The following MYPOP variants were observed in gnomAD, a reference collection of about 807,000 sequenced individuals.
MYPOP encodes Myb related transcription factor, partner of profilin.
Under a neutral mutation model 25.7 loss-of-function variants are expected in MYPOP, and 21 were observed. That is an observed-to-expected ratio of 0.82 (90% CI 0.58 to 1.18). MYPOP has a LOEUF of 1.18. Ranked by LOEUF, MYPOP falls within the 50% of genes most tolerant of loss-of-function variation. The pLI is 0.00. For synonymous variants in MYPOP, 280 were observed against 247.9 expected (o/e 1.13, Z -1.22); for missense variants, 566 against 588.3 (o/e 0.96, Z 0.39).
intron 2 of MYPOP, among the ~76,000 whole-genome samples, chr19:45,897,543 G>T (rs972038071): frequency 6.6e-6 from 1 of 152,138 alleles, no homozygotes; most frequent in Admixed American, 6.6e-5. Context: ...TCACAGCAGT[G>T]CCCCTGCAAG....
Position 45,901,695 on chromosome 19 carries a change from T to G in MYPOP, c.79A>C (p.Ile27Leu). The change falls in exon 2 of 3, where the codon ATC becomes CTC. Residue 27 changes from isoleucine to leucine, a missense_variant. By Grantham distance (5) the Ile-to-Leu change is conservative (BLOSUM62 2). Coordinates refer to ENST00000322217, the MANE Select transcript of MYPOP (RefSeq NM_001012643.4). The surrounding 1 kb of genome is among the most constrained non-coding windows in gnomAD (Gnocchi z 5.7). Reference protein sequence around the residue: ...KPRFSFEENQILIREVRAHYP... With the variant: ...KPRFSFEENQLLIREVRAHYP... Reference sequence around the variant, plus strand: ...TGGGCGCGCACCTCGCGGATCAGGATCTGGTTCTCTTCGAATGAGAAGCGC... The same window carrying G: ...TGGGCGCGCACCTCGCGGATCAGGAGCTGGTTCTCTTCGAATGAGAAGCGC... 6.2e-7 allele frequency: 1 copy of G among 1,602,982 alleles called. No homozygotes were observed. The highest frequency in any genetic ancestry group is 2.3e-5 in the East Asian group (1 of 43,846).
chr19:45,896,242 G>C (rs1042453905), intron 2 of MYPOP, among the ~76,000 whole-genome samples: 2 of 152,166 alleles, frequency 1.3e-5, no homozygotes. Context: ...AGTGACCCAA[G>C]ATCACACCAC....
Position 45,901,621 on chromosome 19 carries a change from C to G in MYPOP, c.153G>C (p.Glu51Asp). The change falls in exon 2 of 3, where the codon GAG (glutamate) becomes GAC (aspartate). Residue 51 changes from glutamate to aspartate, a missense_variant. Physicochemically the swap from Glu to Asp is conservative, Grantham distance 45. Transcript: ENST00000322217. This position sits in a 1 kb window ranked among gnomAD's most constrained non-coding sequence, Gnocchi z 5.7. ...GAQSRRVSVA[E>D]RRRVWDGIAA... ...CGATGCCGTCCCACACGCGCCGCCG[C>G]TCTGCCACGCTCACCCGACGGCTCT... 6.2e-7 allele frequency: 1 copy of G among 1,610,520 alleles called. No homozygotes were observed. The highest frequency in any genetic ancestry group is 8.5e-7 in the Non-Finnish European group (1 of 1,179,214).
intron 2 of MYPOP, among the ~76,000 whole-genome samples, chr19:45,895,947 C>A (rs1191637096): frequency 6.6e-6 from 1 of 151,780 alleles, no homozygotes; most frequent in Non-Finnish European, 1.5e-5. Context: ...CAAAAACAGC[C>A]AGCCAAAGAA....
intron 2 of MYPOP, among the ~76,000 whole-genome samples, chr19:45,892,635 G>A (rs1967142464): frequency 6.6e-6 from 1 of 151,772 alleles, no homozygotes; most frequent in Admixed American, 6.6e-5. Context: ...CATCTCAGCT[G>A]ATGCAGCTCC....
At chr19:45,898,437 C>G (rs1352914553) in intron 2 of MYPOP, among the ~76,000 whole-genome samples, 1 of 152,106 alleles carries the variant, frequency 6.6e-6, no homozygotes, top group African/African-American at 2.4e-5. Flanking sequence ...ATTCTCCTGC[C>G]TCAGCCTTCC....
chr19:45,890,591 G>A lies in MYPOP; in HGVS notation c.*32C>T. 1.9e-6 allele frequency: 3 copies of A among 1,607,862 alleles called. No homozygotes were observed. Among genetic ancestry groups the A allele is most frequent in the Non-Finnish European group, 2.5e-6 (3 of 1,176,546 alleles). ...CCTCGACTGCGCCAAGCTGGGGAGA[G>A]GGGTTGCAGGCAGGATCATAGATAG... On this transcript the variant is annotated 3_prime_UTR_variant, in exon 3 of 3. Transcript: ENST00000322217.
At position 45,901,367 on chromosome 19, in the gene MYPOP, G is replaced by A. The variant is rs1394660995; in HGVS notation, c.407C>T (p.Pro136Leu). 3.4e-6 allele frequency: 5 copies of A among 1,475,876 alleles called. No individual in the cohort carries two copies. The Admixed American group carries it at 1.0e-4, about 30-fold the overall frequency. The allele number at this position is 1,475,876 out of a possible 1,614,324, so 91.4% of individuals were successfully genotyped here. A position where few individuals can be genotyped will look rare whatever the true frequency, so the allele number is the denominator to read the frequency against. Residue 136 changes from proline (P) to leucine (L), a missense_variant, in exon 2 of 3, where the codon CCC becomes CTC. By Grantham distance (98) the Pro-to-Leu change is moderately conservative. Coordinates refer to ENST00000322217, the MANE Select transcript of MYPOP (RefSeq NM_001012643.4). This position sits in a 1 kb window ranked among gnomAD's most constrained non-coding sequence, Gnocchi z 5.7. ...CGGCTGTGAAGAGGGGGCCGCAGGGGGCTCCTCCGCCCCAGCACCTGCCCC... is the reference window on the plus strand; with the variant it reads ...CGGCTGTGAAGAGGGGGCCGCAGGGAGCTCCTCCGCCCCAGCACCTGCCCC... ...APGAGAGAEE[P>L]PAAPSSQPPP... is the part of the protein sequence containing the mutation.
Position 45,890,956 on chromosome 19 carries a change from C to G in MYPOP, c.867G>C (p.Glu289Asp). 1 of 1,476,892 alleles carries G rather than the reference C, an allele frequency of 6.8e-7. No individual in the cohort carries two copies. Among genetic ancestry groups the G allele is most frequent in the Non-Finnish European group, 9.0e-7 (1 of 1,111,134 alleles). The allele number at this position is 1,476,892 out of a possible 1,614,324, so 91.5% of individuals were successfully genotyped here. A position where few individuals can be genotyped will look rare whatever the true frequency, so the allele number is the denominator to read the frequency against. The change falls in exon 3 of 3, where the codon GAG becomes GAC. Residue 289 changes from glutamate to aspartate, a missense_variant. Coordinates refer to ENST00000322217, the MANE Select transcript of MYPOP (RefSeq NM_001012643.4). ...TLRQGLAKLSEALSALLPLLP... is the reference protein window; with the variant it reads ...TLRQGLAKLSDALSALLPLLP... ...GAAGGGGCAGCAGAGCGCTGAGGGCCTCGCTCAGTTTGGCCAGTCCCTGTC... is the reference window on the plus strand; with the variant it reads ...GAAGGGGCAGCAGAGCGCTGAGGGCGTCGCTCAGTTTGGCCAGTCCCTGTC...
chr19:45,896,618 CTTT>C (rs760658668), intron 2 of MYPOP, among the ~76,000 whole-genome samples: 6 of 134,756 alleles, frequency 4.5e-5, no homozygotes, highest in Non-Finnish European at 3.2e-5. Flanking sequence ...AGAGTCCATT[CTTT>C]TTTTTTTTTT....
At position 45,902,593 on chromosome 19, in the gene MYPOP, G is replaced by C. The variant is rs2080935128; in HGVS notation, c.-76C>G. ...ACCGGCTCCGCCGCAGCCGCCGGTG[G>C]GTCAGGGCTCGGGCTTCTGCGGCCT... On this transcript the variant is annotated 5_prime_UTR_variant, in exon 1 of 3. Transcript: ENST00000322217. 3 of 152,230 alleles carry C rather than the reference G, an allele frequency of 2.0e-5. No homozygotes were observed. The highest frequency in any genetic ancestry group is 2.0e-4 in the Admixed American group (3 of 15,286). The allele number at this position is 152,230 out of a possible 1,614,324, so 9.4% of individuals were successfully genotyped here. A position where few individuals can be genotyped will look rare whatever the true frequency, so the allele number is the denominator to read the frequency against.
At chr19:45,894,303 C>T (rs1035420983) in intron 2 of MYPOP, among the ~76,000 whole-genome samples, 13 of 151,572 alleles carry the variant, frequency 8.6e-5, no homozygotes, top group Non-Finnish European at 1.2e-4. Flanking sequence ...TTAGTAGAGA[C>T]GGGGTTTCAC....
At chr19:45,897,993 G>T (rs1269822703) in intron 2 of MYPOP, among the ~76,000 whole-genome samples, 1 of 150,086 alleles carries the variant, frequency 6.7e-6, no homozygotes, top group Admixed American at 6.7e-5. Context: ...GCACAATCTC[G>T]ACTCACTGCA....
Position 45,901,883 on chromosome 19 carries a change from C to G in MYPOP, c.-52-58G>C. On this transcript the variant is annotated intron_variant, in intron 1 of 2. Coordinates refer to ENST00000322217, the MANE Select transcript of MYPOP (RefSeq NM_001012643.4). This position sits in a 1 kb window ranked among gnomAD's most constrained non-coding sequence, Gnocchi z 5.7. ...GTTCGGGGTCCCCCCGCCGCCGCCT[C>G]TCCCAGACCGCCGGGCCGAGAGCTC... is the stretch of plus-strand genomic sequence containing the variant. The G allele has an allele frequency of 1.1e-6, 1 of 924,704 alleles. No homozygotes were observed. Among genetic ancestry groups the G allele is most frequent in the Non-Finnish European group, 1.4e-6 (1 of 708,998 alleles). The allele number at this position is 924,704 out of a possible 1,614,324, so 57.3% of individuals were successfully genotyped here.
At chr19:45,896,273 A>G (rs1215212916) in intron 2 of MYPOP, among the ~76,000 whole-genome samples, 5 of 152,172 alleles carry the variant, frequency 3.3e-5, no homozygotes, top group South Asian at 2.1e-4. Flanking sequence ...CTTGGGCGAC[A>G]GCAAGAACCT....
At chr19:45,898,890 G>T (rs1275749209) in intron 2 of MYPOP, among the ~76,000 whole-genome samples, 1 of 152,112 alleles carries the variant, frequency 6.6e-6, no homozygotes, top group Non-Finnish European at 1.5e-5. Context: ...TATACAGTCT[G>T]TTTTGGGACT....
intron 2 of MYPOP, among the ~76,000 whole-genome samples, chr19:45,894,897 T>A (rs1245290872): frequency 6.6e-6 from 1 of 151,710 alleles, no homozygotes; most frequent in Non-Finnish European, 1.5e-5. Context: ...TTTTGTATTT[T>A]TAGTAGAGAC....
At chr19:45,895,413 G>C (rs1188822908) in intron 2 of MYPOP, among the ~76,000 whole-genome samples, 1 of 152,078 alleles carries the variant, frequency 6.6e-6, no homozygotes, top group Non-Finnish European at 1.5e-5. Flanking sequence ...CACCACGCTT[G>C]GCTAATTTTT....
At chr19:45,899,952 CTT>C (rs1445593669) in intron 2 of MYPOP, among the ~76,000 whole-genome samples, 5 of 152,212 alleles carry the variant, frequency 3.3e-5, no homozygotes, top group African/African-American at 4.8e-5. Flanking sequence ...AATATTAACT[CTT>C]GTTATTGCTG....
Sources: gnomAD v4.1 joint callset for allele counts (sites outside exome capture counted in the v4.1 genomes callset) on GRCh38, gnomAD v4.1.1 for gene constraint, Gnocchi (gnomAD v3.1) non-coding constraint, MANE v1.5 for transcripts, NCBI Gene and HGNC (gene_info 2026-07-23, HGNC 2026-07-21) for gene names.